The following PPP2R5E variants were observed in gnomAD, a reference collection of about 807,000 sequenced individuals.
The protein encoded by PPP2R5E is serine/threonine-protein phosphatase 2A 56 kDa regulatory subunit epsilon isoform.
A neutral mutation model predicts 65.3 loss-of-function variants in PPP2R5E; 4 were observed. The ratio of observed to expected loss-of-function variants is 0.06; its 90% CI spans 0.03 to 0.14. PPP2R5E has a LOEUF of 0.14. Among genes scored for constraint, PPP2R5E ranks in the 10% least tolerant of loss-of-function variants. PPP2R5E has a pLI of 1.00. For missense variants in PPP2R5E, 274 were observed against 556.1 expected (o/e 0.49, Z 5.10); for synonymous variants, 183 against 187.4 (o/e 0.98, Z 0.19).
intron 2 of PPP2R5E, among the ~76,000 whole-genome samples, chr14:63,488,555 T>A (rs1170152140): frequency 6.6e-6 from 1 of 151,920 alleles, no homozygotes. Context: ...TTCTAAAAAA[T>A]TCCCAAAAAA....
chr14:63,528,561 C>A (rs1893277691), intron 2 of PPP2R5E, among the ~76,000 whole-genome samples: 1 of 152,126 alleles, frequency 6.6e-6, no homozygotes, highest in Non-Finnish European at 1.5e-5. Flanking sequence ...AAAGCACAAA[C>A]CCACTCAGGA....
intron 5 of PPP2R5E, 103 bp downstream of exon 5, chr14:63,415,037 T>G: frequency 1.5e-6 from 1 of 646,388 alleles, no homozygotes; most frequent in Non-Finnish European, 2.7e-6. Context: ...ATTTTGTGGG[T>G]GATATAACTG....
chr14:63,391,733 G>A (rs1011421171), intron 10 of PPP2R5E, 84 bp downstream of exon 10: 45 of 1,442,908 alleles, frequency 3.1e-5, no homozygotes, highest in Middle Eastern at 3.6e-4. Context: ...CTGATGATGC[G>A]GTTTTATACA....
intron 2 of PPP2R5E, among the ~76,000 whole-genome samples, chr14:63,485,232 A>C (rs1218993401): frequency 6.6e-6 from 1 of 151,168 alleles, no homozygotes; most frequent in Non-Finnish European, 1.5e-5. Flanking sequence ...TGGCAACAAT[A>C]TGAATTAAGA....
At position 63,402,728 on chromosome 14, in the gene PPP2R5E, T is replaced by C. The variant is rs373751798; in HGVS notation, c.550-6012A>G. Among the ~76,000 whole-genome samples, 60 of 151,612 alleles carry C rather than the reference T, an allele frequency of 4.0e-4. 2 individuals carry two copies. The East Asian group carries it at 8.5e-3, about 22-fold the overall frequency. The stretch of plus-strand genomic sequence containing the variant: ...GCATATAACCAAAAAACAGAGATAA[T>C]ATATAGAAGAAGATTTTAAAAACCA... On this transcript the variant is annotated intron_variant, in intron 5 of 13. Transcript: ENST00000337537.
intron 2 of PPP2R5E, among the ~76,000 whole-genome samples, chr14:63,466,797 A>G (rs1206127352): frequency 2.0e-5 from 3 of 149,316 alleles, no homozygotes; most frequent in South Asian, 4.1e-4. Context: ...ACATATGTGT[A>G]TGTATGTATG....
At chr14:63,382,180 A>T (rs1033274641) in intron 12 of PPP2R5E, 23 bp from the exon 13 acceptor site, 5 of 1,580,674 alleles carry the variant, frequency 3.2e-6, no homozygotes, top group Non-Finnish European at 4.3e-6. Flanking sequence ...GAAAAAAAGG[A>T]GTGTGTTAGT....
chr14:63,390,009 G>C (rs1489739167), intron 10 of PPP2R5E, among the ~76,000 whole-genome samples: 1 of 151,868 alleles, frequency 6.6e-6, no homozygotes, highest in Non-Finnish European at 1.5e-5. Flanking sequence ...CGGCCCCTGA[G>C]AAGCAAAACT....
rs529562810 is a variant in PPP2R5E, at chr14:63,450,761, A to G, written c.354+2928T>C. Among the ~76,000 whole-genome samples the G allele has an allele frequency of 2.0e-5, 3 of 151,554 alleles. No homozygotes were observed. In the South Asian group the frequency reaches 6.2e-4, roughly 32 times the overall value. On this transcript the variant is annotated intron_variant, in intron 3 of 13. Coordinates refer to ENST00000337537, the MANE Select transcript of PPP2R5E (RefSeq NM_006246.5). ...ACACCTAATTAGAAAAATCAGATAAATATGTGAAAAGACAAAAAAAAAAAA... is the reference window on the plus strand; with the variant it reads ...ACACCTAATTAGAAAAATCAGATAAGTATGTGAAAAGACAAAAAAAAAAAA...
chr14:63,513,061 G>A (rs923145710), intron 2 of PPP2R5E, among the ~76,000 whole-genome samples: 3 of 151,788 alleles, frequency 2.0e-5, no homozygotes, highest in Non-Finnish European at 2.9e-5. Flanking sequence ...TGGCTGGGGG[G>A]GAAAAATTAC....
rs112522744 is a variant in PPP2R5E at position 63,464,736 on chromosome 14, C to A, written c.158-10851G>T. ...TTGCATGTAAAATTAAGAAAATATA[C>A]TCTGGCCAGGCACGGTGGCTCATGC... On this transcript the variant is annotated intron_variant, in intron 2 of 13. Coordinates refer to ENST00000337537, the MANE Select transcript of PPP2R5E (RefSeq NM_006246.5). Among the ~76,000 whole-genome samples the A allele has an allele frequency of 3.7e-3, 569 of 152,176 alleles. 2 individuals are homozygous for A. Among genetic ancestry groups the A allele is most frequent in the African/African-American group, 0.013 (537 of 41,548 alleles).
At chr14:63,400,936 A>G (rs568359079) in intron 5 of PPP2R5E, among the ~76,000 whole-genome samples, 1 of 152,304 alleles carries the variant, frequency 6.6e-6, no homozygotes, top group East Asian at 1.9e-4. Flanking sequence ...GAGGGTGTGT[A>G]GTATTAGCAA....
At chr14:63,520,859 CAAAAAAAAAA>C (rs748146106) in intron 2 of PPP2R5E, among the ~76,000 whole-genome samples, 13 of 58,522 alleles carry the variant, frequency 2.2e-4, no homozygotes, top group East Asian at 1.5e-3. Flanking sequence ...ACTAAAAATA[CAAAAAAAAAA>C]AAAAAAAAAA....
At chr14:63,381,861 T>C (rs1429936690) in intron 13 of PPP2R5E, among the ~76,000 whole-genome samples, 195 bp downstream of exon 13, 1 of 152,230 alleles carries the variant, frequency 6.6e-6, no homozygotes, top group East Asian at 1.9e-4. Context: ...AATTACTGTA[T>C]ACTTATGATG....
chr14:63,433,986 T>C (rs1220055481), intron 3 of PPP2R5E, among the ~76,000 whole-genome samples: 2 of 152,234 alleles, frequency 1.3e-5, no homozygotes, highest in Non-Finnish European at 2.9e-5. Context: ...ATCTCTCTAT[T>C]TTGCTTTGTT....
chr14:63,372,204 G>A lies in PPP2R5E; in HGVS notation c.*3805C>T, dbSNP rs983389113. 2.6e-5 allele frequency: 4 copies of A among 152,036 alleles called. No individual in the cohort carries two copies. The highest frequency in any genetic ancestry group is 2.9e-5 in the Non-Finnish European group (2 of 67,998). 9.4% of individuals were successfully genotyped at this position (152,036 alleles called of 1,614,324 possible). A position where few individuals can be genotyped will look rare whatever the true frequency, so the allele number is the denominator to read the frequency against. ...CAAGAGAGATACTACTGCTGCTATCGTGCACAAGAAGCAGCACAAATTAAC... is the reference window on the plus strand; with the variant it reads ...CAAGAGAGATACTACTGCTGCTATCATGCACAAGAAGCAGCACAAATTAAC... On this transcript the variant is annotated 3_prime_UTR_variant, in exon 14 of 14. Coordinates refer to ENST00000337537, the MANE Select transcript of PPP2R5E (RefSeq NM_006246.5).
At chr14:63,486,804 C>T (rs11158493) in intron 2 of PPP2R5E, among the ~76,000 whole-genome samples, 53,001 of 151,962 alleles carry the variant, frequency 0.35, 12,568 homozygotes, top group African/African-American at 0.68. Context: ...TCTCCAACCA[C>T]CCTTAGAGGG....
intron 2 of PPP2R5E, among the ~76,000 whole-genome samples, chr14:63,487,263 T>G (rs1288255111): frequency 6.6e-6 from 1 of 152,196 alleles, no homozygotes; most frequent in Non-Finnish European, 1.5e-5. Flanking sequence ...AAAATAAACA[T>G]TAGCTCAAGT....
intron 2 of PPP2R5E, among the ~76,000 whole-genome samples, chr14:63,503,280 T>A (rs1277523264): frequency 6.6e-6 from 1 of 152,084 alleles, no homozygotes; most frequent in Non-Finnish European, 1.5e-5. Context: ...GAAGACGAAT[T>A]TCCATCTTAG....
Sources: allele counts gnomAD v4.1 joint callset (sites outside exome capture counted in the v4.1 genomes callset), GRCh38; gene constraint gnomAD v4.1.1; transcripts MANE v1.5; gene names NCBI Gene and HGNC (gene_info 2026-07-23, HGNC 2026-07-21).